The following CDK13 variants were observed in gnomAD, a reference collection of about 807,000 sequenced individuals.
CDK13 encodes cyclin-dependent kinase 13.
In CDK13, 40 loss-of-function variants were observed where a neutral mutation model predicts 137.6. The observed-to-expected ratio is 0.29, with a 90% CI of 0.23 to 0.38. The LOEUF (loss-of-function observed/expected upper bound fraction) is 0.38, where lower values mean the gene tolerates loss of function less well. Ranked by LOEUF, CDK13 falls within the 10% of genes least tolerant of loss-of-function variation. The pLI is 1.00. For missense variants in CDK13, 1,704 were observed against 1,951.8 expected, an observed-to-expected ratio of 0.87 and a Z score of 2.39; for synonymous variants, 869 against 760.1, an observed-to-expected ratio of 1.14 and a Z score of -2.36.
At chr7:40,068,771 C>A (rs1296395791) in intron 9 of CDK13, among the ~76,000 whole-genome samples, 1 of 145,812 alleles carries the variant, frequency 6.9e-6, no homozygotes, top group Non-Finnish European at 1.5e-5. Context: ...GGAAAAGCAG[C>A]ATGAATAGTT....
At position 39,987,641 on chromosome 7, in the gene CDK13, G is replaced by A; in HGVS notation, c.1254G>A (p.Arg418=). ...GAAGCAGAAGCCCGTATTCATCTAGGCATTCAAGATCTCGTAGCAGGCACA... is the reference window on the plus strand; with the variant it reads ...GAAGCAGAAGCCCGTATTCATCTAGACATTCAAGATCTCGTAGCAGGCACA... ...KSRSRSPYSS[R]HSRSRSRHRL... Residue 418 remains arginine (R), a synonymous_variant, in exon 2 of 14, where the codon AGG becomes AGA. Coordinates refer to ENST00000181839, the MANE Select transcript of CDK13 (RefSeq NM_003718.5). The A allele has an allele frequency of 6.2e-7, 1 of 1,610,896 alleles. No individual in the cohort carries two copies. Among genetic ancestry groups the A allele is most frequent in the Non-Finnish European group, 8.5e-7 (1 of 1,179,110 alleles).
chr7:40,035,428 G>T (rs1232781969), intron 5 of CDK13, among the ~76,000 whole-genome samples: 1 of 152,100 alleles, frequency 6.6e-6, no homozygotes. Context: ...ATCTGTATTT[G>T]CAGTGGCTCC....
chr7:40,012,999 T>A (rs1784928657), intron 5 of CDK13, among the ~76,000 whole-genome samples: 1 of 151,142 alleles, frequency 6.6e-6, no homozygotes, highest in Non-Finnish European at 1.5e-5. Flanking sequence ...AGCCGCAAGG[T>A]GGAAGCAACC....
In CDK13 at chr7:40,062,916, A is replaced by G. The variant is rs1015537549; in HGVS notation, c.2691A>G (p.Val897=). 1.1e-5 allele frequency: 18 copies of G among 1,612,688 alleles called. No individual in the cohort carries two copies. In the African/African-American group the frequency reaches 1.6e-4, roughly 14 times the overall value. ...AACGATACACACCAGCCATTGATGT[A>G]TGGAGCTGTGGGTAAGATAGCCTTA... ...GEERYTPAID[V]WSCGCILGEL... The change falls in exon 8 of 14, where the codon GTA becomes GTG. Residue 897 remains valine (V), a synonymous_variant. Coordinates refer to ENST00000181839, the MANE Select transcript of CDK13 (RefSeq NM_003718.5).
intron 2 of CDK13, among the ~76,000 whole-genome samples, chr7:39,995,732 G>T (rs1784547972): frequency 6.6e-6 from 1 of 152,206 alleles, no homozygotes; most frequent in Non-Finnish European, 1.5e-5. Flanking sequence ...TGCAGGCCTG[G>T]CATGGTGGCT....
chr7:40,013,843 G>A (rs1260562097), intron 5 of CDK13, among the ~76,000 whole-genome samples: 3 of 152,066 alleles, frequency 2.0e-5, no homozygotes, highest in Admixed American at 1.3e-4. Context: ...TGAAAATAGA[G>A]TCCAAATTGA....
In CDK13 at chr7:40,001,857, A is replaced by C. The variant is rs756296289; in HGVS notation, c.2183-4A>C. On this transcript the variant is annotated splice_polypyrimidine_tract_variant and splice_region_variant and intron_variant, in intron 4 of 13. Transcript: ENST00000181839. The stretch of plus-strand genomic sequence containing the variant: ...TAACCTGATTTTATTAAATTCCTTA[A>C]TAGGAGAAATGGTAGCCTTAAAAAA... 2 of 1,575,920 alleles carry C rather than the reference A, an allele frequency of 1.3e-6. No individual in the cohort carries two copies. Among genetic ancestry groups the C allele is most frequent in the South Asian group, 2.3e-5 (2 of 88,042 alleles).
intron 5 of CDK13, among the ~76,000 whole-genome samples, chr7:40,015,522 T>C (rs757143972): frequency 2.6e-5 from 4 of 152,164 alleles, no homozygotes; most frequent in Non-Finnish European, 4.4e-5. Context: ...TTTAGTGATA[T>C]AGTGCATGTG....
intron 2 of CDK13, among the ~76,000 whole-genome samples, chr7:39,989,059 G>A (rs1336420335): frequency 1.6e-5 from 2 of 125,512 alleles, no homozygotes; most frequent in African/African-American, 2.9e-5. Context: ...ACTCCAGCCT[G>A]GGTGACACAG....
chr7:40,025,089 A>T (rs1317202707), intron 5 of CDK13, among the ~76,000 whole-genome samples: 2 of 152,210 alleles, frequency 1.3e-5, no homozygotes, highest in African/African-American at 2.4e-5. Flanking sequence ...TCACAAAGGT[A>T]TCTCAAACTC....
At chr7:40,028,488 G>A (rs1415185429) in intron 5 of CDK13, among the ~76,000 whole-genome samples, 1 of 152,084 alleles carries the variant, frequency 6.6e-6, no homozygotes, top group Non-Finnish European at 1.5e-5. Flanking sequence ...AAAGTGCTGG[G>A]ATTACAGGTG....
chr7:40,059,311 C>G (rs1176560298), intron 7 of CDK13: 2 of 152,626 alleles, frequency 1.3e-5, no homozygotes, highest in Non-Finnish European at 2.9e-5. Flanking sequence ...TCTCATCTTC[C>G]CTGCCCTCCA....
chr7:39,999,668 G>A (rs1330957652), intron 4 of CDK13, among the ~76,000 whole-genome samples, 168 bp downstream of exon 4: 2 of 152,142 alleles, frequency 1.3e-5, no homozygotes, highest in South Asian at 2.1e-4. Context: ...TAAGATATGA[G>A]TACATGTAAG....
chr7:39,996,987 A>AAAAAAAAAC (rs1562719405), intron 2 of CDK13, among the ~76,000 whole-genome samples: 22 of 151,044 alleles, frequency 1.5e-4, no homozygotes, highest in African/African-American at 4.9e-4. Flanking sequence ...GAAAAAAAAA[A>AAAAAAAAAC]AGAAAAATGC....
At chr7:40,064,417 C>T (rs1786231550) in intron 9 of CDK13, among the ~76,000 whole-genome samples, 1 of 151,672 alleles carries the variant, frequency 6.6e-6, no homozygotes, top group African/African-American at 2.4e-5. Flanking sequence ...ATAGGGGGTA[C>T]AGATTTACAG....
chr7:40,067,684 C>T (rs751650234), intron 9 of CDK13: 1 of 152,270 alleles, frequency 6.6e-6, no homozygotes, highest in African/African-American at 2.4e-5. Context: ...AACGGTGGCT[C>T]ATGCCTGTAA....
intron 2 of CDK13, among the ~76,000 whole-genome samples, chr7:39,991,484 A>AGT (rs66520870): frequency 0.1 from 14,338 of 143,616 alleles, 840 homozygotes; most frequent in African/African-American, 0.17. Flanking sequence ...CATTAGCAAA[A>AGT]GTGTGTGTGT....
chr7:40,018,971 C>T (rs1260392681), intron 5 of CDK13, among the ~76,000 whole-genome samples: 1 of 152,106 alleles, frequency 6.6e-6, no homozygotes, highest in Non-Finnish European at 1.5e-5. Context: ...AAAACGTTAG[C>T]ATCAACATAA....
At chr7:40,007,455 CTCGCTCTG>C (rs1348404067) in intron 5 of CDK13, among the ~76,000 whole-genome samples, 1 of 152,208 alleles carries the variant, frequency 6.6e-6, no homozygotes, top group African/African-American at 2.4e-5. Context: ...GAGACGGAGT[CTCGCTCTG>C]TCACCCAGGC....
Sources: gnomAD v4.1 joint callset for allele counts (sites outside exome capture counted in the v4.1 genomes callset) on GRCh38, gnomAD v4.1.1 for gene constraint, MANE v1.5 for transcripts, NCBI Gene and HGNC (gene_info 2026-07-23, HGNC 2026-07-21) for gene names.